The following ASF1B variants were observed in gnomAD, a reference collection of about 807,000 sequenced individuals.
ASF1B encodes the protein anti-silencing function 1B histone chaperone.
A neutral mutation model predicts 16.6 loss-of-function variants in ASF1B; 10 were observed. That is an observed-to-expected ratio of 0.60 (90% CI 0.37 to 1.02). ASF1B has a LOEUF of 1.02. Ranked by LOEUF, ASF1B falls within the 50% of genes least tolerant of loss-of-function variation. The probability of loss-of-function intolerance (pLI) is 0.01; values close to 1 mark genes in which losing one functional copy is unlikely to be tolerated. For synonymous variants in ASF1B, 101 were observed against 106.2 expected (o/e 0.95, Z 0.30); for missense variants, 240 against 266.0 (o/e 0.90, Z 0.68).
chr19:14,133,966 G>C (rs1967447364), intron 1 of ASF1B, among the ~76,000 whole-genome samples: 1 of 151,842 alleles, frequency 6.6e-6, no homozygotes, highest in Admixed American at 6.6e-5. Flanking sequence ...ACCACGCCCG[G>C]CTAATTTTTT....
At chr19:14,121,439 A>G in intron 3 of ASF1B, 93 bp downstream of exon 3, 3 of 1,393,832 alleles carry the variant, frequency 2.2e-6, no homozygotes, top group Non-Finnish European at 3.0e-6. Flanking sequence ...GAAAACCTTA[A>G]GAAGTGACCT....
intron 1 of ASF1B, among the ~76,000 whole-genome samples, chr19:14,131,100 A>G (rs965118212): frequency 6.7e-6 from 1 of 149,732 alleles, no homozygotes; most frequent in Admixed American, 6.7e-5. Context: ...CTGGTCTCAA[A>G]CTCCTGACCT....
intron 2 of ASF1B, among the ~76,000 whole-genome samples, chr19:14,122,016 C>T (rs1216019427): frequency 2.6e-5 from 4 of 151,368 alleles, no homozygotes; most frequent in South Asian, 2.1e-4. Context: ...CTGCAACCTC[C>T]GCCTCACGGG....
intron 1 of ASF1B, among the ~76,000 whole-genome samples, chr19:14,129,909 CCCCTG>C (rs1479366308): frequency 6.7e-6 from 1 of 149,150 alleles, no homozygotes; most frequent in Non-Finnish European, 1.5e-5. Flanking sequence ...TGGTGGCATG[CCCCTG>C]TAGTCTCAGC....
chr19:14,123,378 CTTT>C (rs74181857), intron 2 of ASF1B, among the ~76,000 whole-genome samples: 5 of 119,768 alleles, frequency 4.2e-5, no homozygotes, highest in Admixed American at 8.8e-5. Flanking sequence ...TTTCTTTCTT[CTTT>C]TTTTTTTTTT....
chr19:14,121,981 A>C (rs976708835), intron 2 of ASF1B, among the ~76,000 whole-genome samples: 1 of 151,382 alleles, frequency 6.6e-6, no homozygotes, highest in Non-Finnish European at 1.5e-5. Flanking sequence ...CCCAGGCTGA[A>C]GTGCAATGGT....
chr19:14,135,247 GGAA>G lies in ASF1B; in HGVS notation c.109+1098_109+1100del, dbSNP rs1466776008. Among the ~76,000 whole-genome samples the G allele has an allele frequency of 7.9e-3, 1,184 of 150,810 alleles. 12 individuals are homozygous for G. The highest frequency in any genetic ancestry group is 0.027 in the African/African-American group (1,091 of 40,868). On this transcript the variant is annotated intron_variant, in intron 1 of 3. Coordinates refer to ENST00000263382, the MANE Select transcript of ASF1B (RefSeq NM_018154.3). ...AAAAAAAAAAAAAAAAAAAAGAAGA[GGAA>G]GAAGAAGAAAGAAAAAGTGACAGAA...
At chr19:14,127,259 C>T (rs1967332790) in intron 1 of ASF1B, among the ~76,000 whole-genome samples, 1 of 152,232 alleles carries the variant, frequency 6.6e-6, no homozygotes. Context: ...GACTATACCT[C>T]TGGGGAAACC....
At position 14,120,552 on chromosome 19, in the gene ASF1B, G is replaced by C; in HGVS notation, c.516C>G (p.Cys172Trp). The change falls in exon 4 of 4, where the codon TGC becomes TGG. Residue 172 changes from cysteine (C) to tryptophan (W), a missense_variant. Physicochemically the swap from Cys to Trp is radical, Grantham distance 215 (BLOSUM62 -2). Transcript: ENST00000263382. ...TAGGAGTGCAGTTGAGTGGGAGGCC[G>C]CAGCCCAGGGAGGGGTCCTGGGTCT... ...AIETQDPSLG[C>W]GLPLNCTPIK... 1.2e-6 allele frequency: 2 copies of C among 1,613,378 alleles called. No individual in the cohort carries two copies. Among genetic ancestry groups the C allele is most frequent in the Non-Finnish European group, 1.7e-6 (2 of 1,179,646 alleles).
chr19:14,136,576 G>C lies in ASF1B; in HGVS notation c.-120C>G, dbSNP rs542395046. 2.5e-4 allele frequency: 182 copies of C among 739,046 alleles called. 2 individuals are homozygous for C. Among genetic ancestry groups the C allele is most frequent in the Non-Finnish European group, 1.9e-4 (89 of 462,994 alleles). The allele number at this position is 739,046 out of a possible 1,614,324, so 45.8% of individuals were successfully genotyped here. On this transcript the variant is annotated 5_prime_UTR_variant, in exon 1 of 4. Coordinates refer to ENST00000263382, the MANE Select transcript of ASF1B (RefSeq NM_018154.3). The stretch of plus-strand genomic sequence containing the variant: ...AGGTCCACTCCCGCCTCTTCTCTCC[G>C]AGAACTGAAGTGCGCACCTAGTCCG...
intron 1 of ASF1B, among the ~76,000 whole-genome samples, chr19:14,132,437 A>T (rs750587004): frequency 7.2e-5 from 11 of 152,188 alleles, no homozygotes; most frequent in Non-Finnish European, 1.2e-4. Context: ...CTGGCAGATC[A>T]GTCACAGAGA....
chr19:14,133,081 C>G (rs1222348794), intron 1 of ASF1B, among the ~76,000 whole-genome samples: 1 of 151,722 alleles, frequency 6.6e-6, no homozygotes, highest in East Asian at 1.9e-4. Flanking sequence ...GATCACGCCA[C>G]TGCACTCCAG....
At chr19:14,123,345 G>A (rs1967267819) in intron 2 of ASF1B, among the ~76,000 whole-genome samples, 1 of 151,248 alleles carries the variant, frequency 6.6e-6, no homozygotes, top group South Asian at 2.1e-4. Context: ...ATCACCTGGA[G>A]AACTCAGAAT....
At position 14,120,634 on chromosome 19, in the gene ASF1B, C is replaced by CG; in HGVS notation, c.433dup (p.Arg145ProfsTer52). On this transcript the variant is annotated frameshift_variant, in exon 4 of 4. Coordinates refer to ENST00000263382, the MANE Select transcript of ASF1B (RefSeq NM_018154.3). LOFTEE classifies it high-confidence loss of function. ...CCAGTTGATATGGAAGCGGGTCACC[C>CG]GGGGGTTCGAGGCCAAGATGTTCCG... 3 of 1,613,984 alleles carry CG rather than the reference C, an allele frequency of 1.9e-6. No homozygotes were observed. The highest frequency in any genetic ancestry group is 2.5e-6 in the Non-Finnish European group (3 of 1,179,990).
intron 2 of ASF1B, among the ~76,000 whole-genome samples, chr19:14,125,680 G>A (rs1293909059): frequency 6.6e-6 from 1 of 151,888 alleles, no homozygotes; most frequent in Non-Finnish European, 1.5e-5. Flanking sequence ...AGCCTCCCAA[G>A]TATCTGAGAC....
At chr19:14,135,882 T>C (rs1967487044) in intron 1 of ASF1B, among the ~76,000 whole-genome samples, 2 of 151,824 alleles carry the variant, frequency 1.3e-5, no homozygotes, top group African/African-American at 4.8e-5. Context: ...GCGGGGGTCT[T>C]GCCACAGGGA....
At chr19:14,134,728 C>A (rs1305949559) in intron 1 of ASF1B, among the ~76,000 whole-genome samples, 1 of 152,084 alleles carries the variant, frequency 6.6e-6, no homozygotes. Context: ...GCCATGCCCA[C>A]CTTTAAGTCA....
intron 1 of ASF1B, among the ~76,000 whole-genome samples, chr19:14,129,776 T>C (rs1967373219): frequency 2.1e-5 from 3 of 144,710 alleles, no homozygotes; most frequent in South Asian, 2.2e-4. Context: ...AGGTGGATCA[T>C]TGGATCATGG....
intron 1 of ASF1B, among the ~76,000 whole-genome samples, chr19:14,131,914 C>T (rs1299280666): frequency 6.6e-6 from 1 of 152,070 alleles, no homozygotes; most frequent in Non-Finnish European, 1.5e-5. Flanking sequence ...TTGAATTTCT[C>T]AGCTAAATGT....
Sources: gnomAD v4.1 joint callset for allele counts (sites outside exome capture counted in the v4.1 genomes callset) on GRCh38, gnomAD v4.1.1 for gene constraint, MANE v1.5 for transcripts, NCBI Gene and HGNC (gene_info 2026-07-23, HGNC 2026-07-21) for gene names.